Variants in TXNRD1 observed in about 807,000 individuals in gnomAD.
The protein encoded by TXNRD1 is thioredoxin reductase 1, also known as thioredoxin reductase 1, cytoplasmic.
In TXNRD1, 57 loss-of-function variants were observed where a neutral mutation model predicts 80.3. The observed-to-expected ratio is 0.71, with a 90% CI of 0.57 to 0.89. TXNRD1 has a LOEUF of 0.89. Among genes scored for constraint, TXNRD1 ranks in the 40% least tolerant of loss-of-function variants. The probability of loss-of-function intolerance (pLI) is 0.00; values close to 1 mark genes in which losing one functional copy is unlikely to be tolerated. For synonymous variants in TXNRD1, 291 were observed against 285.2 expected (o/e 1.02, Z -0.20); for missense variants, 730 against 803.0 (o/e 0.91, Z 1.10).
At chr12:104,280,747 C>T (rs1313784357) in intron 3 of TXNRD1, 1 of 152,080 alleles carries the variant, frequency 6.6e-6, no homozygotes, top group Non-Finnish European at 1.5e-5. Flanking sequence ...GGAAGCAATT[C>T]TGCACCCAGA....
At chr12:104,282,745 G>C (rs955929232) in intron 3 of TXNRD1, 2 of 152,284 alleles carry the variant, frequency 1.3e-5, no homozygotes, top group African/African-American at 4.8e-5. Flanking sequence ...CCAGGCTGAA[G>C]AGCAGTGGCA....
intron 3 of TXNRD1, among the ~76,000 whole-genome samples, chr12:104,261,313 GC>G (rs985576357): frequency 2.0e-5 from 3 of 152,018 alleles, no homozygotes; most frequent in African/African-American, 7.2e-5. Flanking sequence ...ACAGGCATGC[GC>G]CACCACGGCC....
intron 2 of TXNRD1, among the ~76,000 whole-genome samples, chr12:104,253,662 T>C (rs2033179381): frequency 6.6e-6 from 1 of 152,092 alleles, no homozygotes; most frequent in Admixed American, 6.6e-5. Context: ...ATCTTTAAAA[T>C]GAAGGGCTTG....
intron 16 of TXNRD1, among the ~76,000 whole-genome samples, chr12:104,342,133 T>C (rs1475886091): frequency 1.3e-5 from 2 of 152,140 alleles, no homozygotes; most frequent in African/African-American, 2.4e-5. Context: ...TATGTAGGCA[T>C]GATTGATTAA....
chr12:104,309,348 G>T (rs185950382), intron 4 of TXNRD1, among the ~76,000 whole-genome samples: 6 of 152,322 alleles, frequency 3.9e-5, no homozygotes, highest in African/African-American at 1.4e-4. Flanking sequence ...AATTTGACTT[G>T]AAGCTTGAAC....
At chr12:104,254,773 T>C (rs1185615912) in intron 2 of TXNRD1, among the ~76,000 whole-genome samples, 3 of 135,152 alleles carry the variant, frequency 2.2e-5, no homozygotes, top group Non-Finnish European at 5.1e-5. Flanking sequence ...ATTATACCAC[T>C]GCACGCCAGC....
At position 104,306,283 on chromosome 12, in the gene TXNRD1, G is replaced by T. The variant is rs553584997; in HGVS notation, c.415-5007G>T. On this transcript the variant is annotated intron_variant, in intron 4 of 16. Coordinates refer to ENST00000525566, the MANE Select transcript of TXNRD1 (RefSeq NM_001093771.3). The stretch of plus-strand genomic sequence containing the variant: ...AGTTTATCTGGATGTTCTTCACTTA[G>T]TGTAAAGCCATAAAGGCTTTTTTCT... Among the ~76,000 whole-genome samples, 5 of 152,324 alleles carry T rather than the reference G, an allele frequency of 3.3e-5. No individual in the cohort carries two copies. The South Asian group carries it at 1.0e-3, about 32-fold the overall frequency.
intron 15 of TXNRD1, among the ~76,000 whole-genome samples, chr12:104,338,847 G>A (rs2036230045): frequency 6.6e-6 from 1 of 151,930 alleles, no homozygotes; most frequent in South Asian, 2.1e-4. Context: ...CTCTCAAGTA[G>A]CTGGAACTAC....
At position 104,288,701 on chromosome 12, in the gene TXNRD1, A is replaced by C. The variant is rs1278259174; in HGVS notation, c.305-230A>C. On this transcript the variant is annotated intron_variant, in intron 3 of 16. Coordinates refer to ENST00000525566, the MANE Select transcript of TXNRD1 (RefSeq NM_001093771.3). ...ACTCTGACGTTTACAGCTAGCCTTG[A>C]GGCCATGTTTTCAGCCAGTGTGCGG... The C allele has an allele frequency of 5.8e-6, 8 of 1,376,630 alleles. No homozygotes were observed. The Admixed American group carries it at 2.2e-4, about 38-fold the overall frequency. 85.3% of individuals were successfully genotyped at this position (1,376,630 alleles called of 1,614,324 possible).
At chr12:104,346,137 T>G (rs929193348) in intron 16 of TXNRD1, 5 of 486,084 alleles carry the variant, frequency 1.0e-5, no homozygotes, top group Non-Finnish European at 1.9e-5. Flanking sequence ...CTCAGTCTCC[T>G]GAGTAGCTGG....
chr12:104,273,635 C>T (rs1021956611), intron 3 of TXNRD1, among the ~76,000 whole-genome samples: 2 of 151,972 alleles, frequency 1.3e-5, no homozygotes, highest in South Asian at 2.1e-4. Context: ...CAAGAATGCT[C>T]GCGCCACCCT....
intron 3 of TXNRD1, among the ~76,000 whole-genome samples, chr12:104,261,363 A>C (rs535293582): frequency 3.6e-4 from 55 of 152,252 alleles, no homozygotes; most frequent in Non-Finnish European, 6.9e-4. Flanking sequence ...GAGTTTCTCC[A>C]TGTTGGTCAG....
chr12:104,216,079 G>A (rs1359497746), intron 1 of TXNRD1, among the ~76,000 whole-genome samples, 186 bp downstream of exon 1: 1 of 152,184 alleles, frequency 6.6e-6, no homozygotes, highest in African/African-American at 2.4e-5. Context: ...GACGGAGGCC[G>A]GCGGCCGGCC....
chr12:104,293,901 TC>T (rs1194495976), intron 4 of TXNRD1, among the ~76,000 whole-genome samples: 1 of 152,048 alleles, frequency 6.6e-6, no homozygotes, highest in African/African-American at 2.4e-5. Flanking sequence ...ATAGGTAAGG[TC>T]ACGTGGGTCA....
chr12:104,287,291 G>C, intron 3 of TXNRD1: 1 of 1,614,024 alleles, frequency 6.2e-7, no homozygotes, highest in South Asian at 1.1e-5. Flanking sequence ...AACCCAGGCA[G>C]CTTCGTGGCG....
intron 4 of TXNRD1, chr12:104,304,345 CAAGTT>C (rs2034790488): frequency 2.5e-6 from 4 of 1,614,020 alleles, no homozygotes; most frequent in Non-Finnish European, 3.4e-6. Flanking sequence ...GCGATCCTGA[CAAGTT>C]GAGTGATTGT....
At chr12:104,333,622 C>A (rs189303548) in intron 14 of TXNRD1, among the ~76,000 whole-genome samples, 129 of 152,202 alleles carry the variant, frequency 8.5e-4, no homozygotes, top group African/African-American at 2.9e-3. Context: ...ATGTTTTGAA[C>A]TGAGGCTAGC....
chr12:104,280,062 C>CAAAAAAAAA (rs34627940), intron 3 of TXNRD1, among the ~76,000 whole-genome samples: 10,018 of 83,672 alleles, frequency 0.12, 1,051 homozygotes, highest in Non-Finnish European at 0.18. Context: ...GACTCTGTCT[C>CAAAAAAAAA]AAAAAAAAAA....
At chr12:104,238,640 T>C (rs11111943) in intron 1 of TXNRD1, among the ~76,000 whole-genome samples, 138,342 of 152,188 alleles carry the variant, frequency 0.91, 63,127 homozygotes, top group African/African-American at 0.98. Flanking sequence ...TTGAAATAAC[T>C]GTGTGGTTTT....
Sources: allele counts gnomAD v4.1 joint callset (sites outside exome capture counted in the v4.1 genomes callset), GRCh38; gene constraint gnomAD v4.1.1; transcripts MANE v1.5; gene names NCBI Gene and HGNC (gene_info 2026-07-23, HGNC 2026-07-21).